Variants in HGF observed in about 807,000 individuals in gnomAD.
HGF encodes fibroblast-derived tumor cytotoxic factor.
In HGF, 39 loss-of-function variants were observed where a neutral mutation model predicts 111.6. The observed-to-expected ratio is 0.35, with a 90% confidence interval of 0.27 to 0.46. The LOEUF is 0.46. HGF is among the 20% of genes least tolerant of loss of function. HGF has a pLI of 1.00. For synonymous variants in HGF, 285 were observed against 294.8 expected (o/e 0.97, Z 0.34); for missense variants, 735 against 910.5 (o/e 0.81, Z 2.48).
chr7:81,760,333 C>T (rs778873504), intron 2 of HGF, among the ~76,000 whole-genome samples: 1 of 152,118 alleles, frequency 6.6e-6, no homozygotes, highest in Non-Finnish European at 1.5e-5. Flanking sequence ...TCCTGAAGAG[C>T]TTAGAATCAG....
chr7:81,739,886 T>C (rs1169055196), intron 7 of HGF, among the ~76,000 whole-genome samples: 1 of 152,180 alleles, frequency 6.6e-6, no homozygotes, highest in Non-Finnish European at 1.5e-5. Context: ...GGCAACTGAA[T>C]GGGCTACTCT....
At chr7:81,718,228 C>G (rs1789763906) in intron 10 of HGF, among the ~76,000 whole-genome samples, 1 of 152,026 alleles carries the variant, frequency 6.6e-6, no homozygotes, top group Non-Finnish European at 1.5e-5. Context: ...ATTTCCAGAC[C>G]AAGTTTCATT....
chr7:81,742,622 C>A, intron 7 of HGF: 2 of 880,208 alleles, frequency 2.3e-6, no homozygotes, highest in Non-Finnish European at 2.9e-6. Flanking sequence ...TTTAAGAGAA[C>A]AGTGAAAATG....
chr7:81,763,118 G>T (rs1252265197), intron 1 of HGF: 6 of 464,432 alleles, frequency 1.3e-5, no homozygotes, highest in Non-Finnish European at 2.3e-5. Context: ...AAATTAAGGA[G>T]CTTTTAAAAA....
chr7:81,759,551 C>T (rs1788955768), intron 2 of HGF, among the ~76,000 whole-genome samples: 1 of 152,144 alleles, frequency 6.6e-6, no homozygotes, highest in South Asian at 2.1e-4. Flanking sequence ...GTCGCCCAGG[C>T]TGGAGTGCAG....
At position 81,758,741 on chromosome 7, in the gene HGF, A is replaced by C. The variant is rs1184005226; in HGVS notation, c.318T>G (p.Ser106Arg). 2 of 1,613,286 alleles carry C rather than the reference A, an allele frequency of 1.2e-6. No individual in the cohort carries two copies. Among genetic ancestry groups the C allele is most frequent in the Admixed American group, 3.3e-5 (2 of 60,002 alleles). The change falls in exon 3 of 18, where the codon AGT (serine) becomes AGG (arginine). Residue 106 changes from serine (S) to arginine (R), a missense_variant. Transcript: ENST00000222390. ...CLWFPFNSMS[S>R]GVKKEFGHEF... ...CATGGCCAAATTCTTTTTTCACTCC[A>C]CTTGACATGCTATTGAAGGGGAACC...
At chr7:81,737,217 T>C (rs1336117073) in intron 7 of HGF, among the ~76,000 whole-genome samples, 1 of 152,070 alleles carries the variant, frequency 6.6e-6, no homozygotes, top group Admixed American at 6.6e-5. Flanking sequence ...GCCTAAATCA[T>C]GCAAAAGAGA....
At chr7:81,717,056 AAGAG>A (rs1334205928) in intron 11 of HGF, among the ~76,000 whole-genome samples, 172 bp downstream of exon 11, 3 of 152,154 alleles carry the variant, frequency 2.0e-5, no homozygotes, top group African/African-American at 7.2e-5. Flanking sequence ...GAGAGAGAGA[AAGAG>A]AGACCATGTG....
Position 81,721,242 on chromosome 7 carries a change from G to A in HGF, c.1169-395C>T, listed in dbSNP as rs145897014. On this transcript the variant is annotated intron_variant, in intron 9 of 17. Transcript: ENST00000222390. ...AGCCTGGGCGACAGAGCGAGACTCC[G>A]TCTCAAAACAAAAAGAAAAAAAAAA... is the stretch of plus-strand genomic sequence containing the variant. Among the ~76,000 whole-genome samples, 413 of 149,932 alleles carry A rather than the reference G, an allele frequency of 2.8e-3. 1 individual carries two copies. The highest frequency in any genetic ancestry group is 3.1e-3 in the Admixed American group (48 of 15,246).
At chr7:81,726,668 A>G (rs1472632855) in intron 8 of HGF, among the ~76,000 whole-genome samples, 2 of 152,112 alleles carry the variant, frequency 1.3e-5, no homozygotes, top group African/African-American at 4.8e-5. Context: ...CTATAGAAAA[A>G]CGAACTATAG....
chr7:81,725,442 TTA>T (rs1789980690), intron 9 of HGF, among the ~76,000 whole-genome samples: 1 of 152,216 alleles, frequency 6.6e-6, no homozygotes, highest in African/African-American at 2.4e-5. Context: ...TGGGTCCTTC[TTA>T]TATGTTAAGC....
chr7:81,753,213 T>C (rs1194941823), intron 4 of HGF, among the ~76,000 whole-genome samples: 1 of 152,092 alleles, frequency 6.6e-6, no homozygotes, highest in Admixed American at 6.6e-5. Flanking sequence ...AAAGGCCAAG[T>C]CTTTTTTATA....
intron 2 of HGF, among the ~76,000 whole-genome samples, chr7:81,760,183 T>C (rs1025750263): frequency 2.6e-5 from 4 of 152,246 alleles, no homozygotes; most frequent in African/African-American, 9.6e-5. Context: ...AACATCGTTC[T>C]AGTTGTAATC....
At chr7:81,740,435 C>T (rs28546996) in intron 7 of HGF, among the ~76,000 whole-genome samples, 1,641 of 152,262 alleles carry the variant, frequency 0.011, 34 homozygotes, top group African/African-American at 0.038. Flanking sequence ...AATCTTCTCC[C>T]CTTGGGTATG....
At chr7:81,751,012 G>T in intron 5 of HGF, 1 of 982,226 alleles carries the variant, frequency 1.0e-6, no homozygotes, top group African/African-American at 1.7e-5. Context: ...AGATGGAACT[G>T]GCTGTAGCAC....
At chr7:81,703,614 CAT>C (rs1267005082) in intron 17 of HGF, among the ~76,000 whole-genome samples, 1 of 150,642 alleles carries the variant, frequency 6.6e-6, no homozygotes, top group African/African-American at 2.4e-5. Context: ...AAACAATGCA[CAT>C]AGTGTTATAT....
At chr7:81,722,845 G>GTATATATATATATATATATATATATA (rs144391393) in intron 9 of HGF, among the ~76,000 whole-genome samples, 99 of 132,538 alleles carry the variant, frequency 7.5e-4, no homozygotes, top group African/African-American at 3.1e-3. Flanking sequence ...ATTTAAAAAG[G>GTATATATATATATATATATATATATA]TATATATATA....
intron 5 of HGF, among the ~76,000 whole-genome samples, chr7:81,746,316 A>G (rs1192949624): frequency 6.6e-6 from 1 of 152,108 alleles, no homozygotes; most frequent in African/African-American, 2.4e-5. Flanking sequence ...GATTTTCCAG[A>G]CTACACCCAA....
chr7:81,754,302 T>C (rs767214384), intron 4 of HGF, among the ~76,000 whole-genome samples: 6 of 151,988 alleles, frequency 3.9e-5, no homozygotes, highest in African/African-American at 9.7e-5. Context: ...CTAGTAGTTA[T>C]AGCAAATGTT....
Sources: gnomAD v4.1 joint callset for allele counts (sites outside exome capture counted in the v4.1 genomes callset) on GRCh38, gnomAD v4.1.1 for gene constraint, MANE v1.5 for transcripts, NCBI Gene and HGNC (gene_info 2026-07-23, HGNC 2026-07-21) for gene names.